The following CFAP299 variants were observed in gnomAD, a reference collection of about 807,000 sequenced individuals.
The protein encoded by CFAP299 is cilia- and flagella-associated protein 299.
CFAP299 carries 21 observed loss-of-function variants against 27.0 expected under a neutral mutation model. The observed-to-expected ratio is 0.78, with a 90% CI of 0.55 to 1.12. The LOEUF (loss-of-function observed/expected upper bound fraction) is 1.12. Ranked by LOEUF, CFAP299 falls within the 50% of genes most tolerant of loss-of-function variation. CFAP299 has a pLI of 0.00. For missense variants in CFAP299, 310 were observed against 276.6 expected (o/e 1.12, Z -0.86); for synonymous variants, 104 against 98.1 (o/e 1.06, Z -0.36).
chr4:80,920,643 C>G (rs1372453611), intron 4 of CFAP299, among the ~76,000 whole-genome samples: 2 of 152,126 alleles, frequency 1.3e-5, no homozygotes, highest in East Asian at 3.9e-4. Flanking sequence ...ATATTAATGT[C>G]TCAACCTCCA....
At chr4:80,812,056 T>A (rs1729181286) in intron 3 of CFAP299, among the ~76,000 whole-genome samples, 1 of 152,090 alleles carries the variant, frequency 6.6e-6, no homozygotes, top group South Asian at 2.1e-4. Flanking sequence ...GGAAATGAAG[T>A]GCATTTTAGA....
chr4:80,483,009 CG>C (rs1730641696), intron 2 of CFAP299, among the ~76,000 whole-genome samples: 1 of 152,054 alleles, frequency 6.6e-6, no homozygotes, highest in African/African-American at 2.4e-5. Flanking sequence ...CATAGCAAAA[CG>C]GAACTAAGGT....
intron 3 of CFAP299, among the ~76,000 whole-genome samples, chr4:80,603,772 T>G (rs1383130290): frequency 3.9e-5 from 6 of 152,164 alleles, no homozygotes; most frequent in Non-Finnish European, 5.9e-5. Context: ...ATTAATAAGG[T>G]TGAAAATACA....
intron 3 of CFAP299, among the ~76,000 whole-genome samples, chr4:80,721,736 T>C (rs1435029800): frequency 6.6e-6 from 1 of 152,090 alleles, no homozygotes; most frequent in Admixed American, 6.5e-5. Context: ...ATACATTTTA[T>C]AGAGAGAAAC....
At chr4:80,673,534 T>A (rs1719155417) in intron 3 of CFAP299, among the ~76,000 whole-genome samples, 1 of 152,210 alleles carries the variant, frequency 6.6e-6, no homozygotes, top group African/African-American at 2.4e-5. Context: ...GTCTGCTTGG[T>A]GCGGAGCTGA....
intron 2 of CFAP299, among the ~76,000 whole-genome samples, chr4:80,534,316 GAAA>G (rs769690513): frequency 9.2e-6 from 1 of 109,264 alleles, no homozygotes; most frequent in African/African-American, 3.1e-5. Flanking sequence ...TCACTCTGTG[GAAA>G]AAAAAAAAAA....
At chr4:80,728,627 G>A (rs1198168157) in intron 3 of CFAP299, among the ~76,000 whole-genome samples, 2 of 152,108 alleles carry the variant, frequency 1.3e-5, no homozygotes, top group African/African-American at 4.8e-5. Flanking sequence ...CACGCTTTAT[G>A]TGTAATCAAT....
chr4:80,741,406 T>C (rs1475206376), intron 3 of CFAP299, among the ~76,000 whole-genome samples: 1 of 152,056 alleles, frequency 6.6e-6, no homozygotes, highest in African/African-American at 2.4e-5. Flanking sequence ...GGGTGATGAA[T>C]GCTGCAAGGA....
chr4:80,861,133 C>A (rs1008693893), intron 3 of CFAP299, among the ~76,000 whole-genome samples: 3 of 152,230 alleles, frequency 2.0e-5, no homozygotes, highest in African/African-American at 7.2e-5. Flanking sequence ...CCTCCCCCAG[C>A]CTCGCTGCCA....
Position 80,621,811 on chromosome 4 carries a change from A to G in CFAP299, c.333+38628A>G, listed in dbSNP as rs371633231. Among the ~76,000 whole-genome samples, 8 of 152,298 alleles carry G rather than the reference A, an allele frequency of 5.3e-5. No homozygotes were observed. In the East Asian group the frequency reaches 5.8e-4, roughly 11 times the overall value. On this transcript the variant is annotated intron_variant, in intron 3 of 5. Coordinates refer to ENST00000358105, the MANE Select transcript of CFAP299 (RefSeq NM_152770.3). ...TGCTGTGGCATTCAGAAAGAAAGAT[A>G]TTTGTCCTGGGTCTTAAAAGCAGTA...
chr4:80,758,528 C>T (rs544297860), intron 3 of CFAP299, among the ~76,000 whole-genome samples: 59 of 152,198 alleles, frequency 3.9e-4, no homozygotes, highest in African/African-American at 1.4e-3. Context: ...TCACTTTGGG[C>T]CATGGTTCCA....
At chr4:80,672,829 T>G (rs1213026473) in intron 3 of CFAP299, among the ~76,000 whole-genome samples, 1 of 152,186 alleles carries the variant, frequency 6.6e-6, no homozygotes, top group African/African-American at 2.4e-5. Context: ...AGTTTGTATT[T>G]CTGTGGGATC....
rs188433749 is a variant in CFAP299, at chr4:80,667,893, T to A, written c.333+84710T>A. On this transcript the variant is annotated intron_variant, in intron 3 of 5. Transcript: ENST00000358105. ...TCTTTTTTTAATTTTTTTAGGAACC[T>A]CCATATAGTTTTCCATACTGGCTGC... Among the ~76,000 whole-genome samples the A allele has an allele frequency of 3.9e-5, 6 of 152,242 alleles. No homozygotes were observed. In the East Asian group the frequency reaches 9.7e-4, roughly 24 times the overall value.
intron 1 of CFAP299, among the ~76,000 whole-genome samples, chr4:80,358,423 T>A (rs1230103600): frequency 3.3e-5 from 5 of 152,124 alleles, no homozygotes; most frequent in Non-Finnish European, 7.4e-5. Context: ...TTTAATATTG[T>A]CATAGGGTGT....
At chr4:80,498,897 T>C (rs1731591241) in intron 2 of CFAP299, among the ~76,000 whole-genome samples, 1 of 152,164 alleles carries the variant, frequency 6.6e-6, no homozygotes, top group African/African-American at 2.4e-5. Context: ...CTATACAACA[T>C]GGAATATTAT....
At chr4:80,499,976 T>G (rs1371365504) in intron 2 of CFAP299, among the ~76,000 whole-genome samples, 1 of 110,306 alleles carries the variant, frequency 9.1e-6, no homozygotes, top group Non-Finnish European at 1.7e-5. Context: ...TCATTTTTTT[T>G]TTGTTTGTTT....
chr4:80,739,946 A>G (rs746530995), intron 3 of CFAP299, among the ~76,000 whole-genome samples: 2 of 152,194 alleles, frequency 1.3e-5, no homozygotes, highest in African/African-American at 2.4e-5. Context: ...CTATTAAAAT[A>G]CTGATGCATT....
At chr4:80,691,052 T>C (rs1239374539) in intron 3 of CFAP299, among the ~76,000 whole-genome samples, 1 of 128,830 alleles carries the variant, frequency 7.8e-6, no homozygotes, top group Non-Finnish European at 1.6e-5. Flanking sequence ...CAATAATCAA[T>C]AGCTTACCAA....
chr4:80,682,186 A>C (rs772845167), intron 3 of CFAP299, among the ~76,000 whole-genome samples: 47 of 152,182 alleles, frequency 3.1e-4, no homozygotes, highest in Non-Finnish European at 6.5e-4. Flanking sequence ...ATCATCCATA[A>C]AAATAGTTTT....
Sources: allele counts gnomAD v4.1 joint callset (sites outside exome capture counted in the v4.1 genomes callset), GRCh38; gene constraint gnomAD v4.1.1; transcripts MANE v1.5; gene names NCBI Gene and HGNC (gene_info 2026-07-23, HGNC 2026-07-21).